KCNE3: variants seen among roughly 807,000 people sequenced by gnomAD.
KCNE3 encodes the protein potassium voltage-gated channel subfamily E member 3.
A neutral mutation model predicts 4.3 loss-of-function variants in KCNE3; 2 were observed. The ratio of observed to expected loss-of-function variants is 0.47; its 90% CI spans 0.19 to 1.48. The LOEUF (loss-of-function observed/expected upper bound fraction) is 1.48, where lower values mean the gene tolerates loss of function less well. Ranked by LOEUF, KCNE3 falls within the 40% of genes most tolerant of loss-of-function variation. KCNE3 has a pLI of 0.25. For missense variants in KCNE3, 128 were observed against 136.8 expected, an observed-to-expected ratio of 0.94 and a Z score of 0.32; for synonymous variants, 47 against 52.0, an observed-to-expected ratio of 0.90 and a Z score of 0.41.
intron 1 of KCNE3, among the ~76,000 whole-genome samples, chr11:74,463,456 C>T (rs918608113): frequency 6.6e-6 from 1 of 152,080 alleles, no homozygotes; most frequent in African/African-American, 2.4e-5. Flanking sequence ...GCCTCTGGGG[C>T]TCAAGCTGGG....
chr11:74,459,542 G>A (rs1050745671), intron 2 of KCNE3, among the ~76,000 whole-genome samples: 1 of 151,912 alleles, frequency 6.6e-6, no homozygotes, highest in Non-Finnish European at 1.5e-5. Context: ...GATTACAGGC[G>A]CCCAGCCAGA....
chr11:74,457,595 G>A lies in KCNE3; in HGVS notation c.-32C>T. The A allele has an allele frequency of 1.9e-6, 3 of 1,602,642 alleles. No individual in the cohort carries two copies. The highest frequency in any genetic ancestry group is 1.3e-5 in the African/African-American group (1 of 74,788). Reference sequence around the variant, plus strand: ...AGGGATTGAGGTGGGGGAAGACTCGGTAGAAGCTCTGGTGGCAAAAGAAAA... The same window carrying A: ...AGGGATTGAGGTGGGGGAAGACTCGATAGAAGCTCTGGTGGCAAAAGAAAA... On this transcript the variant is annotated 5_prime_UTR_variant, in exon 3 of 3. Transcript: ENST00000310128.
At chr11:74,461,295 TGTGTGTGTG>T (rs1565461710) in intron 2 of KCNE3, among the ~76,000 whole-genome samples, 4 of 22,098 alleles carry the variant, frequency 1.8e-4, no homozygotes, top group Non-Finnish European at 3.8e-4. Context: ...TTATGTTTTG[TGTGTGTGTG>T]TGTGTGTGTG....
In KCNE3 at chr11:74,454,927, T is replaced by C. The variant is rs920254635; in HGVS notation, c.*2325A>G. 2.0e-5 allele frequency: 3 copies of C among 152,180 alleles called. No individual in the cohort carries two copies. Among genetic ancestry groups the C allele is most frequent in the Admixed American group, 1.3e-4 (2 of 15,282 alleles). The allele number at this position is 152,180 out of a possible 1,614,324, so 9.4% of individuals were successfully genotyped here. On this transcript the variant is annotated 3_prime_UTR_variant, in exon 3 of 3. Transcript: ENST00000310128. Reference sequence around the variant, plus strand: ...AATTTCTGAATCTGTTGTCTTCCCATATGTCACATCTCCTTAAGGAAGTCT... The same window carrying C: ...AATTTCTGAATCTGTTGTCTTCCCACATGTCACATCTCCTTAAGGAAGTCT...
chr11:74,457,001 C>G lies in KCNE3; in HGVS notation c.*251G>C. 3 of 552,174 alleles carry G rather than the reference C, an allele frequency of 5.4e-6. No homozygotes were observed. Among genetic ancestry groups the G allele is most frequent in the Non-Finnish European group, 9.8e-6 (3 of 307,626 alleles). 34.2% of individuals were successfully genotyped at this position (552,174 alleles called of 1,614,324 possible). A position where few individuals can be genotyped will look rare whatever the true frequency, so the allele number is the denominator to read the frequency against. ...AGTTATTGGTCATTATCTGTTGCTA[C>G]TTTTATATGTTTGTTCATGGGCTCC... is the stretch of plus-strand genomic sequence containing the variant. On this transcript the variant is annotated 3_prime_UTR_variant, in exon 3 of 3. Transcript: ENST00000310128.
At chr11:74,458,134 G>T (rs2135005858) in intron 2 of KCNE3, among the ~76,000 whole-genome samples, 1 of 152,304 alleles carries the variant, frequency 6.6e-6, no homozygotes, top group Admixed American at 6.5e-5. Flanking sequence ...AATAAGGGCA[G>T]GGCCTATATT....
At chr11:74,459,259 A>ATTTTTTTT (rs35194568) in intron 2 of KCNE3, among the ~76,000 whole-genome samples, 1 of 117,572 alleles carries the variant, frequency 8.5e-6, no homozygotes, top group Non-Finnish European at 1.7e-5. Flanking sequence ...TATAGAAAAC[A>ATTTTTTTT]TTTTTTTTTT....
At chr11:74,457,836 T>C (rs184622396) in intron 2 of KCNE3, among the ~76,000 whole-genome samples, 14 of 152,274 alleles carry the variant, frequency 9.2e-5, no homozygotes, top group African/African-American at 2.2e-4. Flanking sequence ...GTTCTCATGA[T>C]AGTGAATAAG....
At chr11:74,459,911 G>A (rs1863913192) in intron 2 of KCNE3, among the ~76,000 whole-genome samples, 1 of 152,122 alleles carries the variant, frequency 6.6e-6, no homozygotes, top group Admixed American at 6.5e-5. Flanking sequence ...TTGGCTGGGT[G>A]CTCTCCTTCT....
At position 74,458,379 on chromosome 11, in the gene KCNE3, TC is replaced by T. The variant is rs1863872655; in HGVS notation, c.-40-777del. On this transcript the variant is annotated intron_variant, in intron 2 of 2. Transcript: ENST00000310128. ...AGGCCTTGAGAGAATAAGTGGCTTG[TC>T]CATGATCACAGAATATTGGAAGTAG... Among the ~76,000 whole-genome samples the T allele has an allele frequency of 2.0e-5, 3 of 152,210 alleles. No individual in the cohort carries two copies. In the East Asian group the frequency reaches 5.8e-4, roughly 29 times the overall value.
chr11:74,458,229 C>T (rs1477078461), intron 2 of KCNE3, among the ~76,000 whole-genome samples: 1 of 152,206 alleles, frequency 6.6e-6, no homozygotes, highest in East Asian at 1.9e-4. Context: ...CAAAGCCTTC[C>T]CTGACCATCA....
intron 1 of KCNE3, chr11:74,464,405 AC>A (rs1864017837): frequency 6.6e-6 from 1 of 152,316 alleles, no homozygotes; most frequent in African/African-American, 2.4e-5. Context: ...CCTGGGGTGC[AC>A]AGTTTTACCA....
chr11:74,460,124 G>A (rs914210778), intron 2 of KCNE3, among the ~76,000 whole-genome samples: 7 of 152,218 alleles, frequency 4.6e-5, no homozygotes, highest in African/African-American at 1.7e-4. Context: ...GGACTGGGCA[G>A]CATTTCATGC....
intron 2 of KCNE3, among the ~76,000 whole-genome samples, chr11:74,460,449 G>A (rs1468746388): frequency 1.3e-5 from 2 of 152,232 alleles, no homozygotes; most frequent in Non-Finnish European, 1.5e-5. Flanking sequence ...CAATGCAGGG[G>A]ACAAGCAAAG....
At chr11:74,461,851 C>G (rs144495712) in intron 2 of KCNE3, 104 bp downstream of exon 2, 48 of 151,342 alleles carry the variant, frequency 3.2e-4, no homozygotes, top group African/African-American at 1.1e-3. Context: ...GTCCCAAGCT[C>G]CATCCCAGGG....
rs530308751 is a variant in KCNE3, at chr11:74,457,537, G to C, written c.27C>G (p.Thr9=). Residue 9 remains threonine (T), a synonymous_variant, in exon 3 of 3, where the codon ACC becomes ACG. Transcript: ENST00000310128. ...GCACGGCATGCAGGCTCTCATACCA[G>C]GTCTCCGTTCCATTGGTAGTCTCCA... METTNGTE[T]WYESLHAVLK... The C allele has an allele frequency of 1.9e-5, 30 of 1,614,172 alleles. No homozygotes were observed. The African/African-American group carries it at 3.5e-4, about 19-fold the overall frequency.
At chr11:74,460,058 T>G (rs1321254691) in intron 2 of KCNE3, among the ~76,000 whole-genome samples, 1 of 152,246 alleles carries the variant, frequency 6.6e-6, no homozygotes, top group Non-Finnish European at 1.5e-5. Flanking sequence ...CTGGAAAAGA[T>G]GATCATTCTG....
intron 1 of KCNE3, among the ~76,000 whole-genome samples, chr11:74,466,901 G>A (rs1864068380): frequency 6.6e-6 from 1 of 152,206 alleles, no homozygotes; most frequent in African/African-American, 2.4e-5. Context: ...ATGCTTTTGG[G>A]AGTCACCAGG....
At position 74,467,296 on chromosome 11, in the gene KCNE3, T is replaced by C. The variant is rs1864083238; in HGVS notation, c.-190+102A>G. On this transcript the variant is annotated intron_variant, in intron 1 of 2. Transcript: ENST00000310128. This position sits in a 1 kb window ranked among gnomAD's most constrained non-coding sequence, Gnocchi z 4.4. The stretch of plus-strand genomic sequence containing the variant: ...CCCCCACTCCCCCTCGGTTCCACAG[T>C]CTCACGGAGAGCGCGCCGTGGCCCT... 6.6e-6 allele frequency: 1 copy of C among 152,086 alleles called. No homozygotes were observed. Among genetic ancestry groups the C allele is most frequent in the South Asian group, 2.1e-4 (1 of 4,792 alleles). 9.4% of individuals were successfully genotyped at this position (152,086 alleles called of 1,614,324 possible). A position where few individuals can be genotyped will look rare whatever the true frequency, so the allele number is the denominator to read the frequency against.
Sources: gnomAD v4.1 joint callset for allele counts (sites outside exome capture counted in the v4.1 genomes callset) on GRCh38, gnomAD v4.1.1 for gene constraint, Gnocchi (gnomAD v3.1) non-coding constraint, MANE v1.5 for transcripts, NCBI Gene and HGNC (gene_info 2026-07-23, HGNC 2026-07-21) for gene names.